CFTR: variants seen among roughly 807,000 people sequenced by gnomAD.
CFTR encodes CF transmembrane conductance regulator.
CFTR carries 181 observed loss-of-function variants against 171.6 expected under a neutral mutation model. That is an observed-to-expected ratio of 1.05 (90% CI 0.93 to 1.19). The LOEUF (loss-of-function observed/expected upper bound fraction) is 1.19, where lower values mean the gene tolerates loss of function less well. CFTR is among the 50% of genes most tolerant of loss of function. The pLI is 0.00. For missense variants in CFTR, 1,968 were observed against 1,734.7 expected (o/e 1.13, Z -2.39); for synonymous variants, 583 against 608.0 (o/e 0.96, Z 0.60).
chr7:117,545,120 A>T (rs1369407303), intron 9 of CFTR, among the ~76,000 whole-genome samples: 4 of 152,236 alleles, frequency 2.6e-5, no homozygotes, highest in Non-Finnish European at 5.9e-5. Flanking sequence ...ATCATGGTGG[A>T]TGATGAAAGG....
At chr7:117,572,800 A>G (rs1042596451) in intron 11 of CFTR, among the ~76,000 whole-genome samples, 1 of 152,218 alleles carries the variant, frequency 6.6e-6, no homozygotes, top group African/African-American at 2.4e-5. Flanking sequence ...TGTTAATGAC[A>G]TGCTTTATTG....
At position 117,614,070 on chromosome 7, in the gene CFTR, T is replaced by C. The variant is rs993996103; in HGVS notation, c.3368-543T>C. Among the ~76,000 whole-genome samples, 8 of 150,252 alleles carry C rather than the reference T, an allele frequency of 5.3e-5. No individual in the cohort carries two copies. In the South Asian group the frequency reaches 1.5e-3, roughly 28 times the overall value. ...TCTTTCCAAATGGCAGAACTGTTAGTTTTCTGACTGTCCGGTGAAATTCTA... is the reference window on the plus strand; with the variant it reads ...TCTTTCCAAATGGCAGAACTGTTAGCTTTCTGACTGTCCGGTGAAATTCTA... On this transcript the variant is annotated intron_variant, in intron 20 of 26. Transcript: ENST00000003084.
At chr7:117,524,446 T>C (rs1243103000) in intron 3 of CFTR, among the ~76,000 whole-genome samples, 3 of 151,702 alleles carry the variant, frequency 2.0e-5, no homozygotes, top group Admixed American at 2.0e-4. Flanking sequence ...CATTTGTCTA[T>C]GAAAAACAAC....
intron 3 of CFTR, among the ~76,000 whole-genome samples, chr7:117,514,171 A>T (rs1413297888): frequency 6.6e-6 from 1 of 150,524 alleles, no homozygotes; most frequent in Non-Finnish European, 1.5e-5. Flanking sequence ...GTTTAGTTTA[A>T]TTTTTTTTTT....
chr7:117,498,261 T>C (rs1037315639), intron 1 of CFTR, among the ~76,000 whole-genome samples: 1 of 152,152 alleles, frequency 6.6e-6, no homozygotes, highest in Non-Finnish European at 1.5e-5. Flanking sequence ...AGTCCCTTGG[T>C]AAAATTAAGC....
chr7:117,638,984 T>G (rs1388522906), intron 22 of CFTR, among the ~76,000 whole-genome samples: 1 of 152,124 alleles, frequency 6.6e-6, no homozygotes, highest in Non-Finnish European at 1.5e-5. Context: ...CAGCTCAGCT[T>G]TAGGCTGCCC....
At chr7:117,662,282 G>A (rs1793303323) in intron 24 of CFTR, among the ~76,000 whole-genome samples, 1 of 152,138 alleles carries the variant, frequency 6.6e-6, no homozygotes, top group African/African-American at 2.4e-5. Context: ...ATAAATGAAT[G>A]AATTGTTGAG....
At chr7:117,531,137 C>G in intron 4 of CFTR, 23 bp downstream of exon 4, 1 of 1,531,226 alleles carries the variant, frequency 6.5e-7, no homozygotes, top group Non-Finnish European at 9.0e-7. Flanking sequence ...TGCACAGGCC[C>G]CATGGCACAT....
At chr7:117,656,752 G>A (rs993405949) in intron 24 of CFTR, among the ~76,000 whole-genome samples, 1 of 152,180 alleles carries the variant, frequency 6.6e-6, no homozygotes, top group African/African-American at 2.4e-5. Flanking sequence ...GACCTAAAAT[G>A]TTGAGCCTCA....
intron 1 of CFTR, among the ~76,000 whole-genome samples, chr7:117,498,839 A>T (rs1165956863): frequency 1.4e-5 from 2 of 140,954 alleles, no homozygotes; most frequent in Non-Finnish European, 3.1e-5. Flanking sequence ...TTTGGTTAGG[A>T]CTATCCAGAT....
intron 20 of CFTR, among the ~76,000 whole-genome samples, chr7:117,612,666 G>A (rs761685177): frequency 6.6e-6 from 1 of 152,004 alleles, no homozygotes; most frequent in Non-Finnish European, 1.5e-5. Context: ...TACTCAAACC[G>A]AAAGCAGGCA....
chr7:117,662,880 A>G (rs986736727), intron 24 of CFTR, among the ~76,000 whole-genome samples: 1 of 152,174 alleles, frequency 6.6e-6, no homozygotes, highest in Non-Finnish European at 1.5e-5. Flanking sequence ...AATGACTGGG[A>G]TCTCAGAGGA....
At chr7:117,646,710 C>T (rs1793001200) in intron 23 of CFTR, among the ~76,000 whole-genome samples, 1 of 152,046 alleles carries the variant, frequency 6.6e-6, no homozygotes, top group South Asian at 2.1e-4. Context: ...AGGAAACTCT[C>T]CAGCTATGAA....
At chr7:117,603,493 C>T in intron 16 of CFTR, 39 bp from the exon 17 acceptor site, 1 of 1,612,496 alleles carries the variant, frequency 6.2e-7, no homozygotes, top group Non-Finnish European at 8.5e-7. Flanking sequence ...CAGTAAGTAA[C>T]TTTGGCTGCC....
chr7:117,577,458 A>G (rs1791788617), intron 11 of CFTR, among the ~76,000 whole-genome samples: 1 of 152,170 alleles, frequency 6.6e-6, no homozygotes, highest in African/African-American at 2.4e-5. Context: ...TTCTTTGACC[A>G]AGATATTCTT....
At chr7:117,498,810 A>G (rs1225906017) in intron 1 of CFTR, among the ~76,000 whole-genome samples, 2 of 151,030 alleles carry the variant, frequency 1.3e-5, no homozygotes, top group Non-Finnish European at 2.9e-5. Context: ...CCTGTCTTCA[A>G]CATTTGTTTT....
chr7:117,653,992 A>G (rs574560083), intron 24 of CFTR, among the ~76,000 whole-genome samples: 11 of 152,354 alleles, frequency 7.2e-5, no homozygotes, highest in African/African-American at 2.2e-4. Flanking sequence ...ACAGGTCTCT[A>G]TAAGTCTAAA....
In CFTR at chr7:117,540,091, T is replaced by C. The variant is rs2116683428; in HGVS notation, c.870-9T>C. Reference sequence around the variant, plus strand: ...ACATCCTGAATTTTATTGTTATTGTTTTTTATAGAACAGAACTGAAACTGA... The same window carrying C: ...ACATCCTGAATTTTATTGTTATTGTCTTTTATAGAACAGAACTGAAACTGA... On this transcript the variant is annotated splice_polypyrimidine_tract_variant and intron_variant, in intron 7 of 26. Coordinates refer to ENST00000003084, the MANE Select transcript of CFTR (RefSeq NM_000492.4). The C allele has an allele frequency of 6.2e-7, 1 of 1,609,074 alleles. No individual in the cohort carries two copies. The highest frequency in any genetic ancestry group is 8.5e-7 in the Non-Finnish European group (1 of 1,176,254).
At chr7:117,607,397 G>T (rs928018227) in intron 18 of CFTR, among the ~76,000 whole-genome samples, 1 of 152,170 alleles carries the variant, frequency 6.6e-6, no homozygotes, top group Middle Eastern at 3.2e-3. Flanking sequence ...GGATGGAGAA[G>T]AAAAGGGGAG....
Sources: gnomAD v4.1 joint callset for allele counts (sites outside exome capture counted in the v4.1 genomes callset) on GRCh38, gnomAD v4.1.1 for gene constraint, MANE v1.5 for transcripts, NCBI Gene and HGNC (gene_info 2026-07-23, HGNC 2026-07-21) for gene names.